ITGA2B: variants seen among roughly 807,000 people sequenced by gnomAD.
ITGA2B encodes the protein integrin subunit alpha 2b.
In ITGA2B, 91 loss-of-function variants were observed where a neutral mutation model predicts 142.0. That is an observed-to-expected ratio of 0.64 (90% CI 0.54 to 0.76). The LOEUF (loss-of-function observed/expected upper bound fraction) is 0.76, where lower values mean the gene tolerates loss of function less well. Among genes scored for constraint, ITGA2B ranks in the 30% least tolerant of loss-of-function variants. The pLI, the probability that ITGA2B is intolerant of heterozygous loss-of-function variation, is 0.00. For missense variants in ITGA2B, 1,231 were observed against 1,350.8 expected (o/e 0.91, Z 1.39); for synonymous variants, 536 against 567.2 (o/e 0.94, Z 0.78).
chr17:44,374,590 TG>T, intron 28 of ITGA2B, 68 bp downstream of exon 28: 1 of 1,543,198 alleles, frequency 6.5e-7, no homozygotes. Context: ...CAGACTTTTC[TG>T]GCTGGGCACT....
intron 22 of ITGA2B, among the ~76,000 whole-genome samples, 178 bp from the exon 23 acceptor site, chr17:44,376,566 C>G (rs1476817894): frequency 4.6e-5 from 7 of 152,100 alleles, no homozygotes; most frequent in Admixed American, 2.6e-4. Context: ...ACATAAATCT[C>G]TGAGGAAGAA....
intron 26 of ITGA2B, 78 bp downstream of exon 26, chr17:44,375,513 G>T: frequency 6.4e-7 from 1 of 1,565,448 alleles, no homozygotes; most frequent in Non-Finnish European, 8.7e-7. Flanking sequence ...AGCACACCCG[G>T]ACCCCTCTCC....
chr17:44,372,525 C>T (rs1000567414), intron 29 of ITGA2B, 102 bp from the exon 30 acceptor site: 11 of 981,722 alleles, frequency 1.1e-5, no homozygotes, highest in East Asian at 5.1e-5. Flanking sequence ...CCTGGACCAG[C>T]GCAGAACATG....
At position 44,374,686 on chromosome 17, in the gene ITGA2B, C is replaced by CG. The variant is rs781644489; in HGVS notation, c.2915dup (p.Leu973AlafsTer63). ...GAGCTTCCCCTCGGGGCAGGCTGAG[C>CG]GGGGGCACCGCATAGGGGAGGGAGG... is the stretch of plus-strand genomic sequence containing the variant. On this transcript the variant is annotated frameshift_variant, in exon 28 of 30. Coordinates refer to ENST00000262407, the MANE Select transcript of ITGA2B (RefSeq NM_000419.5). LOFTEE classifies it high-confidence loss of function. 5 of 1,613,902 alleles carry CG rather than the reference C, an allele frequency of 3.1e-6. No individual in the cohort carries two copies. The highest frequency in any genetic ancestry group is 4.5e-5 in the East Asian group (2 of 44,872).
intron 17 of ITGA2B, 89 bp from the exon 18 acceptor site, chr17:44,379,903 G>C (rs949341573): frequency 6.2e-7 from 1 of 1,612,192 alleles, no homozygotes; most frequent in Non-Finnish European, 8.5e-7. Flanking sequence ...GACCACCCCC[G>C]GACTCACAGC....
rs551266734 is a variant in ITGA2B, at chr17:44,374,687, G to A, written c.2915C>T (p.Pro972Leu). The change falls in exon 28 of 30, where the codon CCG becomes CTG. Residue 972 changes from proline to leucine, a missense_variant. By Grantham distance (98) the Pro-to-Leu change is moderately conservative. Coordinates refer to ENST00000262407, the MANE Select transcript of ITGA2B (RefSeq NM_000419.5). ...NVSSLPYAVP[P>L]LSLPRGEAQV... ...AGCTTCCCCTCGGGGCAGGCTGAGC[G>A]GGGGCACCGCATAGGGGAGGGAGGA... The A allele has an allele frequency of 1.7e-5, 27 of 1,613,944 alleles. No homozygotes were observed. The highest frequency in any genetic ancestry group is 4.0e-5 in the African/African-American group (3 of 75,020).
intron 1 of ITGA2B, among the ~76,000 whole-genome samples, chr17:44,388,464 C>CT (rs1285140168): frequency 2.7e-5 from 4 of 147,278 alleles, no homozygotes. Flanking sequence ...TCAAACGATT[C>CT]TCCTGCCTCA....
chr17:44,385,257 C>A (rs1357223381), intron 5 of ITGA2B, 29 bp downstream of exon 5: 9 of 1,613,592 alleles, frequency 5.6e-6, no homozygotes, highest in Non-Finnish European at 7.6e-6. Flanking sequence ...TTGGGAGCCG[C>A]CCCCACTGCG....
At chr17:44,380,566 C>T (rs1291687949) in intron 14 of ITGA2B, 34 bp downstream of exon 14, 4 of 1,614,170 alleles carry the variant, frequency 2.5e-6, no homozygotes, top group African/African-American at 1.3e-5. Flanking sequence ...TGGCACAGGA[C>T]CTTCCCCATC....
At chr17:44,384,651 A>G (rs2048627820) in intron 7 of ITGA2B, 66 bp from the exon 8 acceptor site, 4 of 1,576,412 alleles carry the variant, frequency 2.5e-6, no homozygotes, top group East Asian at 2.2e-5. Flanking sequence ...GAGGGCAAAG[A>G]AGGAGGAGAT....
At chr17:44,379,116 T>TC (rs1215655929) in intron 18 of ITGA2B, among the ~76,000 whole-genome samples, 2 of 151,282 alleles carry the variant, frequency 1.3e-5, no homozygotes, top group East Asian at 3.9e-4. Flanking sequence ...CCAGCTAATT[T>TC]TTTTTTTTTT....
chr17:44,384,504 G>A, intron 8 of ITGA2B, 34 bp downstream of exon 8: 1 of 1,613,802 alleles, frequency 6.2e-7, no homozygotes, highest in Admixed American at 1.7e-5. Flanking sequence ...CCCGGGCTGG[G>A]CTACCCAACT....
chr17:44,385,263 C>A (rs1355137860), intron 5 of ITGA2B, 23 bp downstream of exon 5: 1 of 1,613,682 alleles, frequency 6.2e-7, no homozygotes, highest in Non-Finnish European at 8.5e-7. Flanking sequence ...GCCGCCCCCA[C>A]TGCGCTTTTG....
rs1204358301 is a variant in ITGA2B, at chr17:44,380,388, G to A, written c.1542C>T (p.Ser514=). 1.2e-6 allele frequency: 2 copies of A among 1,614,136 alleles called. No individual in the cohort carries two copies. The highest frequency in any genetic ancestry group is 2.2e-5 in the South Asian group (2 of 91,086). The part of the protein sequence containing the change: ...CVLPQTKTPV[S]CFNIQMCVGA... The stretch of plus-strand genomic sequence containing the variant: ...GCCCATGCCCTCTGCCTCCTCACCA[G>A]CTCACGGGTGTCTTGGTCTGAGGTA... Residue 514 remains serine (S), a splice_region_variant and synonymous_variant, in exon 15 of 30, where the codon AGC becomes AGT. Coordinates refer to ENST00000262407, the MANE Select transcript of ITGA2B (RefSeq NM_000419.5).
At chr17:44,386,785 A>G (rs1191550875) in intron 1 of ITGA2B, among the ~76,000 whole-genome samples, 1 of 152,176 alleles carries the variant, frequency 6.6e-6, no homozygotes, top group East Asian at 1.9e-4. Context: ...CAATGCTATA[A>G]TTTTAAAAAA....
At chr17:44,384,382 G>T in intron 8 of ITGA2B, 28 bp from the exon 9 acceptor site, 1 of 1,613,598 alleles carries the variant, frequency 6.2e-7, no homozygotes, top group Non-Finnish European at 8.5e-7. Flanking sequence ...CAGGCTCAGG[G>T]AATGAGAGCC....
chr17:44,382,269 C>G (rs976235380), intron 12 of ITGA2B, among the ~76,000 whole-genome samples: 72 of 152,050 alleles, frequency 4.7e-4, no homozygotes, highest in African/African-American at 1.6e-3. Flanking sequence ...CTGTGATCAC[C>G]TTTTCTCTTT....
At chr17:44,377,221 A>T in intron 21 of ITGA2B, 133 bp from the exon 22 acceptor site, 2 of 733,140 alleles carry the variant, frequency 2.7e-6, no homozygotes, top group Admixed American at 2.1e-5. Context: ...TCCGAGACGG[A>T]GTCTCACTCT....
In ITGA2B at chr17:44,381,396, C is replaced by A. The variant is rs946876976; in HGVS notation, c.1211-335G>T. 1.5e-4 allele frequency among the ~76,000 whole-genome samples: 22 copies of A among 151,458 alleles called. 1 individual carries two copies. The highest frequency in any genetic ancestry group is 1.2e-3 in the Admixed American group (18 of 15,226). On this transcript the variant is annotated intron_variant, in intron 12 of 29. Transcript: ENST00000262407. Reference sequence around the variant, plus strand: ...CCTGGCTGGAGTGCAGTGGTGCGATCTCGGCTCACTGCAACCTCTGCCTCC... The same window carrying A: ...CCTGGCTGGAGTGCAGTGGTGCGATATCGGCTCACTGCAACCTCTGCCTCC...
Sources: allele counts gnomAD v4.1 joint callset (sites outside exome capture counted in the v4.1 genomes callset), GRCh38; gene constraint gnomAD v4.1.1; transcripts MANE v1.5; gene names NCBI Gene and HGNC (gene_info 2026-07-23, HGNC 2026-07-21).